UVRAG: variants seen among roughly 807,000 people sequenced by gnomAD.
UVRAG encodes UV radiation resistance-associated gene protein.
UVRAG carries 19 observed loss-of-function variants against 78.0 expected under a neutral mutation model. The observed-to-expected ratio is 0.24, with a 90% CI of 0.17 to 0.36. The LOEUF is 0.36. UVRAG is among the 10% of genes least tolerant of loss of function. The pLI is 1.00. For missense variants in UVRAG, 740 were observed against 853.8 expected (o/e 0.87, Z 1.66); for synonymous variants, 323 against 324.6 (o/e 1.00, Z 0.05).
intron 12 of UVRAG, among the ~76,000 whole-genome samples, chr11:76,042,246 C>A (rs559916885): frequency 6.6e-6 from 1 of 151,930 alleles, no homozygotes; most frequent in East Asian, 1.9e-4. Flanking sequence ...TAGATACACA[C>A]ACAGACAAAA....
intron 8 of UVRAG, 115 bp downstream of exon 8, chr11:75,983,628 A>G: frequency 3.0e-6 from 4 of 1,319,014 alleles, no homozygotes; most frequent in Non-Finnish European, 4.0e-6. Flanking sequence ...ACATCACTTA[A>G]TGACAGGGAT....
intron 6 of UVRAG, among the ~76,000 whole-genome samples, chr11:75,951,053 C>G (rs1591054992): frequency 6.6e-6 from 1 of 150,628 alleles, no homozygotes; most frequent in East Asian, 2.0e-4. Flanking sequence ...TTTTCATTTC[C>G]TCAATAATGC....
chr11:76,051,556 C>T (rs1263385111), intron 12 of UVRAG, among the ~76,000 whole-genome samples: 4 of 151,296 alleles, frequency 2.6e-5, no homozygotes, highest in Non-Finnish European at 5.9e-5. Flanking sequence ...CTGCAACTTA[C>T]AAGTAAAAAA....
chr11:76,000,793 G>A (rs1949799719), intron 8 of UVRAG, among the ~76,000 whole-genome samples: 1 of 152,170 alleles, frequency 6.6e-6, no homozygotes, highest in South Asian at 2.1e-4. Flanking sequence ...ACATTTTGGT[G>A]AAGAGGTCAG....
intron 14 of UVRAG, among the ~76,000 whole-genome samples, chr11:76,118,433 G>A (rs2134472202): frequency 6.6e-6 from 1 of 152,206 alleles, no homozygotes; most frequent in Admixed American, 6.5e-5. Flanking sequence ...CAGTGATAGT[G>A]GGTATCCTTG....
At chr11:75,911,835 A>G in intron 5 of UVRAG, 119 bp from the exon 6 acceptor site, 1 of 652,734 alleles carries the variant, frequency 1.5e-6, no homozygotes, top group Admixed American at 2.8e-5. Context: ...GGAATCTCTA[A>G]AATTTTAGAT....
At chr11:76,134,663 A>G (rs1265162667) in intron 14 of UVRAG, among the ~76,000 whole-genome samples, 1 of 152,162 alleles carries the variant, frequency 6.6e-6, no homozygotes, top group East Asian at 1.9e-4. Flanking sequence ...AAATGAGAAT[A>G]ATACTTGGAA....
intron 7 of UVRAG, among the ~76,000 whole-genome samples, chr11:75,961,956 C>T (rs1948919277): frequency 1.3e-5 from 2 of 152,040 alleles, no homozygotes; most frequent in African/African-American, 4.8e-5. Context: ...GGACAGTGAT[C>T]TCTTTTGGGA....
intron 1 of UVRAG, among the ~76,000 whole-genome samples, chr11:75,828,563 G>A (rs1253832449): frequency 6.6e-6 from 1 of 150,920 alleles, no homozygotes; most frequent in African/African-American, 2.4e-5. Flanking sequence ...CTGCAATCTT[G>A]ACCTCCCTGG....
At chr11:75,927,194 C>T (rs111242272) in intron 6 of UVRAG, among the ~76,000 whole-genome samples, 4 of 151,928 alleles carry the variant, frequency 2.6e-5, no homozygotes, top group Admixed American at 6.6e-5. Flanking sequence ...CTCAGCCTCC[C>T]GAGTAGCTGG....
chr11:76,031,578 T>G (rs1950438970), intron 12 of UVRAG, among the ~76,000 whole-genome samples: 1 of 152,140 alleles, frequency 6.6e-6, no homozygotes, highest in Non-Finnish European at 1.5e-5. Context: ...CCAACTAAAT[T>G]AAAATACAGT....
Position 75,943,094 on chromosome 11 carries a change from A to G in UVRAG, c.594-18350A>G, listed in dbSNP as rs921228978. 2.6e-5 allele frequency among the ~76,000 whole-genome samples: 4 copies of G among 152,196 alleles called. No individual in the cohort carries two copies. In the South Asian group the frequency reaches 8.3e-4, roughly 32 times the overall value. ...AAAATAAAAAAAGTCCCACCTCCCA[A>G]TACTATGGCAATTAATTTCAACATG... On this transcript the variant is annotated intron_variant, in intron 6 of 14. Coordinates refer to ENST00000356136, the MANE Select transcript of UVRAG (RefSeq NM_003369.4).
chr11:75,815,244 C>G lies in UVRAG; in HGVS notation c.-164C>G. The G allele has an allele frequency of 2.3e-6, 1 of 444,136 alleles. No homozygotes were observed. Among genetic ancestry groups the G allele is most frequent in the Non-Finnish European group, 3.9e-6 (1 of 256,744 alleles). 27.5% of individuals were successfully genotyped at this position (444,136 alleles called of 1,614,324 possible). On this transcript the variant is annotated 5_prime_UTR_variant, in exon 1 of 15. Transcript: ENST00000356136. ...GCTCTTCCTTAGCCAGCGGCGGCAA[C>G]GGCGGCAGCGGCGGCAGCGGCGGCG...
At chr11:75,953,305 AAT>A (rs1948739026) in intron 6 of UVRAG, among the ~76,000 whole-genome samples, 1 of 152,164 alleles carries the variant, frequency 6.6e-6, no homozygotes, top group African/African-American at 2.4e-5. Flanking sequence ...TACAAGAAGA[AAT>A]ATCTTTCTAA....
At chr11:76,112,592 G>A (rs149256684) in intron 13 of UVRAG, among the ~76,000 whole-genome samples, 100 of 152,306 alleles carry the variant, frequency 6.6e-4, no homozygotes, top group African/African-American at 2.2e-3. Context: ...CTAGCTAGCA[G>A]CCAGTTCAGT....
At chr11:75,944,504 C>G (rs1213480184) in intron 6 of UVRAG, among the ~76,000 whole-genome samples, 3 of 152,100 alleles carry the variant, frequency 2.0e-5, no homozygotes, top group Non-Finnish European at 4.4e-5. Context: ...TTGACCTAGT[C>G]TTTTTCAACA....
chr11:75,907,424 A>T (rs1947639213), intron 5 of UVRAG, among the ~76,000 whole-genome samples: 1 of 151,388 alleles, frequency 6.6e-6, no homozygotes, highest in African/African-American at 2.4e-5. Context: ...TAAATCATGG[A>T]AAGGTGCTGA....
At chr11:76,042,911 A>G (rs1950677145) in intron 12 of UVRAG, among the ~76,000 whole-genome samples, 1 of 152,244 alleles carries the variant, frequency 6.6e-6, no homozygotes, top group Middle Eastern at 3.2e-3. Flanking sequence ...GGCCTTGCCC[A>G]ATTTTCTAAG....
chr11:75,934,494 CTA>C (rs1391665389), intron 6 of UVRAG, among the ~76,000 whole-genome samples: 3 of 152,026 alleles, frequency 2.0e-5, no homozygotes, highest in East Asian at 1.9e-4. Context: ...TTAAAAATAA[CTA>C]AAAGTATAAT....
Sources: gnomAD v4.1 joint callset for allele counts (sites outside exome capture counted in the v4.1 genomes callset) on GRCh38, gnomAD v4.1.1 for gene constraint, MANE v1.5 for transcripts, NCBI Gene and HGNC (gene_info 2026-07-23, HGNC 2026-07-21) for gene names.